Variants in GRIK4 observed in about 807,000 individuals in gnomAD.
GRIK4 encodes glutamate ionotropic receptor kainate type subunit 4, also known as glutamate receptor ionotropic, kainate 4.
In GRIK4, 40 loss-of-function variants were observed where a neutral mutation model predicts 104.9. That is an observed-to-expected ratio of 0.38 (90% confidence interval 0.30 to 0.50). GRIK4 has a LOEUF of 0.50. Ranked by LOEUF, GRIK4 falls within the 20% of genes least tolerant of loss-of-function variation. The pLI, the probability that GRIK4 is intolerant of heterozygous loss-of-function variation, is 0.93. For synonymous variants in GRIK4, 485 were observed against 524.9 expected (o/e 0.92, Z 1.04); for missense variants, 1,047 against 1,308.1 (o/e 0.80, Z 3.08).
At chr11:120,552,952 A>C (rs565878988) in intron 1 of GRIK4, among the ~76,000 whole-genome samples, 2 of 151,740 alleles carry the variant, frequency 1.3e-5, no homozygotes, top group South Asian at 4.2e-4. Context: ...GTGAGCCAAG[A>C]TCATGCCACT....
At chr11:120,734,902 A>AATT (rs1289097325) in intron 3 of GRIK4, among the ~76,000 whole-genome samples, 2 of 152,146 alleles carry the variant, frequency 1.3e-5, no homozygotes, top group Non-Finnish European at 2.9e-5. Flanking sequence ...AGAAGTATAT[A>AATT]ATTCCTGCTT....
intron 20 of GRIK4, among the ~76,000 whole-genome samples, chr11:120,983,238 G>A (rs1014895991): frequency 6.6e-6 from 1 of 152,184 alleles, no homozygotes; most frequent in African/African-American, 2.4e-5. Context: ...CATTGTGAAC[G>A]TGTCTGCCAT....
chr11:120,691,208 C>T (rs1193070901), intron 3 of GRIK4, among the ~76,000 whole-genome samples: 1 of 152,180 alleles, frequency 6.6e-6, no homozygotes, highest in East Asian at 1.9e-4. Context: ...TAAACTTCGC[C>T]TTTTCTGGGA....
intron 3 of GRIK4, among the ~76,000 whole-genome samples, chr11:120,661,188 C>T (rs546991115): frequency 6.6e-6 from 1 of 152,246 alleles, no homozygotes; most frequent in African/African-American, 2.4e-5. Flanking sequence ...AACAGAGAAC[C>T]CATGGAATTA....
intron 4 of GRIK4, among the ~76,000 whole-genome samples, chr11:120,813,551 G>A (rs1217314262): frequency 2.0e-5 from 3 of 152,196 alleles, no homozygotes; most frequent in Non-Finnish European, 4.4e-5. Flanking sequence ...TTGGGATGTT[G>A]TGGGATGCCT....
intron 3 of GRIK4, among the ~76,000 whole-genome samples, chr11:120,782,509 TCTC>T (rs1308484407): frequency 1.3e-5 from 2 of 152,138 alleles, no homozygotes; most frequent in Non-Finnish European, 2.9e-5. Context: ...ATGGTCTCGA[TCTC>T]CTGACCTTGT....
chr11:120,688,790 G>A (rs759256758), intron 3 of GRIK4, among the ~76,000 whole-genome samples: 6 of 152,278 alleles, frequency 3.9e-5, no homozygotes, highest in South Asian at 4.1e-4. Context: ...CAGAAAGGGC[G>A]TGAGATGTAA....
chr11:120,736,972 T>A (rs1951236216), intron 3 of GRIK4, among the ~76,000 whole-genome samples: 1 of 152,190 alleles, frequency 6.6e-6, no homozygotes, highest in African/African-American at 2.4e-5. Context: ...GAATAGGTCA[T>A]GTAAAAGGAC....
chr11:120,915,074 T>C (rs1297624012), intron 13 of GRIK4, among the ~76,000 whole-genome samples: 4 of 152,090 alleles, frequency 2.6e-5, no homozygotes, highest in Admixed American at 6.5e-5. Context: ...GGAGAAGGGA[T>C]TGGCTGTTTG....
intron 3 of GRIK4, among the ~76,000 whole-genome samples, chr11:120,692,425 G>A (rs1405567381): frequency 6.6e-6 from 1 of 152,214 alleles, no homozygotes; most frequent in Non-Finnish European, 1.5e-5. Context: ...GAGCAGGCTA[G>A]TGGGGGAGGT....
intron 3 of GRIK4, among the ~76,000 whole-genome samples, chr11:120,783,464 CTCT>C (rs1952202870): frequency 6.6e-6 from 1 of 151,824 alleles, no homozygotes. Flanking sequence ...TGTCTGTTTC[CTCT>C]TCTTCCTTTC....
chr11:120,597,382 C>T (rs1172426842), intron 1 of GRIK4, among the ~76,000 whole-genome samples: 1 of 152,176 alleles, frequency 6.6e-6, no homozygotes, highest in Non-Finnish European at 1.5e-5. Context: ...TGGGGCTGCA[C>T]ACGGTGGGAG....
chr11:120,784,187 C>A (rs746245328), intron 3 of GRIK4, among the ~76,000 whole-genome samples: 19 of 152,198 alleles, frequency 1.2e-4, no homozygotes, highest in Non-Finnish European at 2.5e-4. Context: ...GAATATTTTG[C>A]TCTTGCCCCA....
At chr11:120,875,883 A>T (rs1175409016) in intron 11 of GRIK4, among the ~76,000 whole-genome samples, 1 of 152,046 alleles carries the variant, frequency 6.6e-6, no homozygotes, top group Non-Finnish European at 1.5e-5. Context: ...TGACTTTTGA[A>T]GTGTCTCTTG....
chr11:120,720,192 G>A (rs61901400), intron 3 of GRIK4, among the ~76,000 whole-genome samples: 9,312 of 152,082 alleles, frequency 0.061, 325 homozygotes, highest in East Asian at 0.13. Flanking sequence ...GTGAGATTTC[G>A]AACTGAGAGC....
chr11:120,952,928 A>G lies in GRIK4; in HGVS notation c.1664A>G (p.Tyr555Cys), dbSNP rs761949882. The G allele has an allele frequency of 1.9e-6, 3 of 1,613,346 alleles. No homozygotes were observed. The highest frequency in any genetic ancestry group is 2.5e-6 in the Non-Finnish European group (3 of 1,179,782). Reference protein sequence around the residue: ...PGVWLFMLLAYLAVSCVLFLV... With the variant: ...PGVWLFMLLACLAVSCVLFLV... Reference sequence around the variant, plus strand: ...GTCTGGCTCTTCATGCTTCTAGCCTATCTGGCCGTCAGCTGTGTCCTCTTC... The same window carrying G: ...GTCTGGCTCTTCATGCTTCTAGCCTGTCTGGCCGTCAGCTGTGTCCTCTTC... Residue 555 changes from tyrosine to cysteine, a missense_variant, in exon 15 of 21, where the codon TAT becomes TGT. Around this residue, in one of 3 missense-constraint regions of GRIK4, gnomAD observed 440 missense variants for 652.3 expected, o/e 0.67. Coordinates refer to ENST00000527524, the MANE Select transcript of GRIK4 (RefSeq NM_014619.5). This position sits in a 1 kb window ranked among gnomAD's most constrained non-coding sequence, Gnocchi z 5.2.
In GRIK4 at chr11:120,905,513, T is replaced by C; in HGVS notation, c.1476+20T>C. ...GCTAGGGTAAGGAGAGGACAAGTGA[T>C]CTGGGCCTGAGGGTGGGCTGGGAGG... On this transcript the variant is annotated intron_variant, in intron 13 of 20. Coordinates refer to ENST00000527524, the MANE Select transcript of GRIK4 (RefSeq NM_014619.5). This position sits in a 1 kb window ranked among gnomAD's most constrained non-coding sequence, Gnocchi z 5.1. 2.9e-6 allele frequency: 3 copies of C among 1,032,572 alleles called. No individual in the cohort carries two copies. Among genetic ancestry groups the C allele is most frequent in the Non-Finnish European group, 4.2e-6 (3 of 706,916 alleles). The allele number at this position is 1,032,572 out of a possible 1,614,324, so 64.0% of individuals were successfully genotyped here. A position where few individuals can be genotyped will look rare whatever the true frequency, so the allele number is the denominator to read the frequency against.
chr11:120,686,037 G>A (rs776370181), intron 3 of GRIK4, among the ~76,000 whole-genome samples: 18 of 152,098 alleles, frequency 1.2e-4, no homozygotes, highest in Non-Finnish European at 2.5e-4. Flanking sequence ...ATTTACTTTT[G>A]AGTCTCAGTA....
At chr11:120,941,052 G>A (rs187459676) in intron 14 of GRIK4, among the ~76,000 whole-genome samples, 3 of 152,178 alleles carry the variant, frequency 2.0e-5, no homozygotes, top group Non-Finnish European at 4.4e-5. Context: ...GTACAGACAC[G>A]ACCTTCAAGT....
Sources: allele counts gnomAD v4.1 joint callset (sites outside exome capture counted in the v4.1 genomes callset), GRCh38; gene constraint gnomAD v4.1.1; regional missense constraint gnomAD v4.1.1; non-coding constraint Gnocchi (gnomAD v3.1); transcripts MANE v1.5; gene names NCBI Gene and HGNC (gene_info 2026-07-23, HGNC 2026-07-21).